The following DENND2B variants were observed in gnomAD, a reference collection of about 807,000 sequenced individuals.
DENND2B encodes DENN domain-containing protein 2B.
In DENND2B, 32 loss-of-function variants were observed where a neutral mutation model predicts 116.0. That is an observed-to-expected ratio of 0.28 (90% CI 0.21 to 0.37). The LOEUF (loss-of-function observed/expected upper bound fraction) is 0.37, where lower values mean the gene tolerates loss of function less well. DENND2B is among the 10% of genes least tolerant of loss of function. The pLI, the probability that DENND2B is intolerant of heterozygous loss-of-function variation, is 1.00. For missense variants in DENND2B, 1,276 were observed against 1,477.7 expected, an observed-to-expected ratio of 0.86 and a Z score of 2.24; for synonymous variants, 588 against 583.9, an observed-to-expected ratio of 1.01 and a Z score of -0.10.
chr11:8,769,899 G>A (rs753455335), intron 1 of DENND2B, among the ~76,000 whole-genome samples: 10 of 152,158 alleles, frequency 6.6e-5, no homozygotes, highest in Non-Finnish European at 1.3e-4. Flanking sequence ...GGGAGGCCAA[G>A]GCAGGCAGAT....
intron 16 of DENND2B, 34 bp downstream of exon 16, chr11:8,698,899 G>T: frequency 1.2e-6 from 2 of 1,613,652 alleles, no homozygotes; most frequent in Non-Finnish European, 1.7e-6. Flanking sequence ...AGGGTGCTCA[G>T]GAGCCCAACT....
chr11:8,901,229 C>CTTTTCTTTTCTT (rs781408078), intron 1 of DENND2B, among the ~76,000 whole-genome samples: 1,125 of 83,916 alleles, frequency 0.013, 24 homozygotes, highest in East Asian at 0.019. Context: ...CTTTTCTTTT[C>CTTTTCTTTTCTT]TTTTTTTTTT....
In DENND2B at chr11:8,702,279, C is replaced by T. The variant is rs115156660; in HGVS notation, c.2720+293G>A. Among the ~76,000 whole-genome samples the T allele has an allele frequency of 9.2e-3, 1,399 of 152,280 alleles. 25 individuals carry two copies. Among genetic ancestry groups the T allele is most frequent in the African/African-American group, 0.032 (1,345 of 41,548 alleles). On this transcript the variant is annotated intron_variant, in intron 14 of 19. Transcript: ENST00000313726. This position sits in a 1 kb window ranked among gnomAD's most constrained non-coding sequence, Gnocchi z 4.6. The stretch of plus-strand genomic sequence containing the variant: ...TCAATTTCTTAACCTTTCCCCTTTA[C>T]ATATCCCGGCACCTGCACAGTCTTG...
In DENND2B at chr11:8,746,385, C is replaced by T. The variant is rs546018528; in HGVS notation, c.80+4236G>A. ...ATTAGCTGTGTGGGCTTACAGGTTC[C>T]TCATTTGTAATGTAAGTTACTGAGC... On this transcript the variant is annotated intron_variant, in intron 2 of 19. Transcript: ENST00000313726. 1.2e-4 allele frequency among the ~76,000 whole-genome samples: 19 copies of T among 152,364 alleles called. No individual in the cohort carries two copies. The South Asian group carries it at 3.1e-3, about 25-fold the overall frequency.
chr11:8,742,316 T>C (rs577768658), intron 2 of DENND2B, among the ~76,000 whole-genome samples: 14 of 152,356 alleles, frequency 9.2e-5, no homozygotes, highest in African/African-American at 3.4e-4. Context: ...CATGTTGTTT[T>C]ATGCCATTAA....
intron 1 of DENND2B, chr11:8,757,043 T>C (rs1159777162): frequency 4.4e-6 from 2 of 456,146 alleles, no homozygotes; most frequent in African/African-American, 2.0e-5. Flanking sequence ...TAGAATAAGG[T>C]ACCTCTGGAA....
chr11:8,758,637 G>C (rs1039435896), intron 1 of DENND2B, among the ~76,000 whole-genome samples: 8 of 152,202 alleles, frequency 5.3e-5, no homozygotes, highest in African/African-American at 1.4e-4. Flanking sequence ...GAAAAATTCA[G>C]ATTCTAGCTT....
At chr11:8,757,300 T>C (rs2053786258) in intron 1 of DENND2B, 1 of 359,632 alleles carries the variant, frequency 2.8e-6, no homozygotes, top group African/African-American at 2.1e-5. Context: ...CACACTTCCC[T>C]AGGTATTTGG....
chr11:8,814,279 TTTTTTTA>T (rs2061494879), upstream of DENND2B, among the ~76,000 whole-genome samples: 1 of 149,762 alleles, frequency 6.7e-6, no homozygotes, highest in African/African-American at 2.5e-5. Context: ...TTTTTTTTTT[TTTTTTTA>T]ACACCAGATC....
At chr11:8,767,963 G>C (rs917645638) in intron 1 of DENND2B, among the ~76,000 whole-genome samples, 1 of 152,144 alleles carries the variant, frequency 6.6e-6, no homozygotes, top group Admixed American at 6.5e-5. Context: ...GGCAGCAAGG[G>C]TGTGTATAGA....
intron 1 of DENND2B, among the ~76,000 whole-genome samples, chr11:8,891,240 G>T (rs1273898241): frequency 6.6e-6 from 1 of 152,098 alleles, no homozygotes; most frequent in Non-Finnish European, 1.5e-5. Flanking sequence ...CCTGAAGGAA[G>T]CAATAAACAT....
At chr11:8,718,245 C>T in intron 4 of DENND2B, 1 of 1,038,514 alleles carries the variant, frequency 9.6e-7, no homozygotes, top group Non-Finnish European at 1.4e-6. Flanking sequence ...TTCCTTGGCT[C>T]CCTTCCCTCT....
chr11:8,772,266 T>A (rs904276317), intron 1 of DENND2B, among the ~76,000 whole-genome samples: 1 of 152,116 alleles, frequency 6.6e-6, no homozygotes, highest in African/African-American at 2.4e-5. Flanking sequence ...GTAAGTCAAC[T>A]GTTTTTCTGA....
intron 1 of DENND2B, among the ~76,000 whole-genome samples, chr11:8,753,338 TA>T (rs2052909576): frequency 6.6e-6 from 1 of 152,000 alleles, no homozygotes; most frequent in Admixed American, 6.6e-5. Flanking sequence ...GCAAAAATAA[TA>T]AATCACTTAG....
At chr11:8,764,942 C>CCAAAAAAAAAAAA (rs2055381114) in intron 1 of DENND2B, among the ~76,000 whole-genome samples, 1 of 100,290 alleles carries the variant, frequency 1.0e-5, no homozygotes, top group African/African-American at 3.9e-5. Flanking sequence ...GAGACTGTCT[C>CCAAAAAAAAAAAA]AAAAAAAAAA....
At chr11:8,859,517 C>G (rs1389553658) in intron 2 of DENND2B, among the ~76,000 whole-genome samples, 3 of 151,992 alleles carry the variant, frequency 2.0e-5, no homozygotes, top group Non-Finnish European at 4.4e-5. Flanking sequence ...ACCATGTTAG[C>G]CAGGATGGTC....
At chr11:8,748,014 G>T (rs796870838) in intron 2 of DENND2B, among the ~76,000 whole-genome samples, 2 of 151,740 alleles carry the variant, frequency 1.3e-5, no homozygotes, top group Admixed American at 1.3e-4. Flanking sequence ...GCCCACCCCC[G>T]CCAGTTTTCC....
chr11:8,839,583 G>A (rs890899036), intron 3 of DENND2B, among the ~76,000 whole-genome samples: 1 of 152,154 alleles, frequency 6.6e-6, no homozygotes, highest in Non-Finnish European at 1.5e-5. Flanking sequence ...CTTCTGAGGT[G>A]ACCACACCAG....
chr11:8,759,445 C>T (rs1010049139), intron 1 of DENND2B, among the ~76,000 whole-genome samples: 14 of 152,074 alleles, frequency 9.2e-5, no homozygotes, highest in African/African-American at 2.7e-4. Flanking sequence ...GCTTTATAGC[C>T]GAGGTAAGAA....
Sources: allele counts gnomAD v4.1 joint callset (sites outside exome capture counted in the v4.1 genomes callset), GRCh38; gene constraint gnomAD v4.1.1; non-coding constraint Gnocchi (gnomAD v3.1); transcripts MANE v1.5; gene names NCBI Gene and HGNC (gene_info 2026-07-23, HGNC 2026-07-21).